Variants in NLRP12 observed in about 807,000 individuals in gnomAD.
NLRP12 encodes the protein NACHT, LRR and PYD domains-containing protein 12.
NLRP12 carries 108 observed loss-of-function variants against 91.2 expected under a neutral mutation model. That is an observed-to-expected ratio of 1.18 (90% CI 1.01 to 1.39). The LOEUF (loss-of-function observed/expected upper bound fraction) is 1.39. Ranked by LOEUF, NLRP12 falls within the 40% of genes most tolerant of loss-of-function variation. The pLI, the probability that NLRP12 is intolerant of heterozygous loss-of-function variation, is 0.00. For missense variants in NLRP12, 1,530 were observed against 1,352.7 expected (o/e 1.13, Z -2.06); for synonymous variants, 613 against 566.7 (o/e 1.08, Z -1.16).
rs200293099 is a variant in NLRP12 at position 53,824,079 on chromosome 19, C to T, written c.96G>A (p.Leu32=). 1.1e-5 allele frequency: 17 copies of T among 1,613,996 alleles called. No individual in the cohort carries two copies. The highest frequency in any genetic ancestry group is 1.3e-5 in the African/African-American group (1 of 74,896). The change falls in exon 1 of 10, where the codon CTG becomes CTA. Residue 32 remains leucine, a synonymous_variant. Coordinates refer to ENST00000324134, the MANE Select transcript of NLRP12 (RefSeq NM_144687.4). ...CTTCTCCCAGCTCTGTCGCGGTCCC[C>T]AGGTATAACTTGAACTTCTTCAGTT... ...AVELKKFKLY[L]GTATELGEGK...
Position 53,821,800 on chromosome 19 carries a change from G to A in NLRP12, c.289+2086C>T, listed in dbSNP as rs1344192398. On this transcript the variant is annotated intron_variant, in intron 1 of 9. Transcript: ENST00000324134. ...GGAGTAAATACTTTACTTTAGAGAA[G>A]GTAGTGGCTTCAAGGTTTCAGTAAG... Among the ~76,000 whole-genome samples, 4 of 152,150 alleles carry A rather than the reference G, an allele frequency of 2.6e-5. No individual in the cohort carries two copies. The East Asian group carries it at 5.8e-4, about 22-fold the overall frequency.
rs118002143 is a variant in NLRP12 at position 53,818,835 on chromosome 19, G to T, written c.290-3847C>A. ...GCTGATTCAGAATCACGGGTTGAGGGTCTTGGATTCCCCATTGGCCACAAG... is the reference window on the plus strand; with the variant it reads ...GCTGATTCAGAATCACGGGTTGAGGTTCTTGGATTCCCCATTGGCCACAAG... On this transcript the variant is annotated intron_variant, in intron 1 of 9. Transcript: ENST00000324134. 5.2e-3 allele frequency among the ~76,000 whole-genome samples: 793 copies of T among 152,240 alleles called. 3 individuals carry two copies. Among genetic ancestry groups the T allele is most frequent in the Non-Finnish European group, 7.4e-3 (505 of 68,006 alleles).
chr19:53,821,031 C>CTTTTTTTTTTTTTTTTTTTTTTTTTTTTT (rs1158419664), intron 1 of NLRP12, among the ~76,000 whole-genome samples: 1 of 81,284 alleles, frequency 1.2e-5, no homozygotes, highest in African/African-American at 5.8e-5. Flanking sequence ...CATATTTTTT[C>CTTTTTTTTTTTTTTTTTTTTTTTTTTTTT]TTTTTTTTTT....
intron 3 of NLRP12, among the ~76,000 whole-genome samples, chr19:53,809,224 T>TAAAAAA (rs3973673): frequency 2.5e-4 from 33 of 133,660 alleles, no homozygotes; most frequent in African/African-American, 8.9e-4. Flanking sequence ...AGACTTAGTT[T>TAAAAAA]AAAAAAAAAA....
chr19:53,793,862 T>A lies in NLRP12; in HGVS notation c.*187A>T. 1.5e-6 allele frequency: 1 copy of A among 677,894 alleles called. No homozygotes were observed. The highest frequency in any genetic ancestry group is 2.7e-6 in the Non-Finnish European group (1 of 371,404). The allele number at this position is 677,894 out of a possible 1,614,324, so 42.0% of individuals were successfully genotyped here. A position where few individuals can be genotyped will look rare whatever the true frequency, so the allele number is the denominator to read the frequency against. On this transcript the variant is annotated 3_prime_UTR_variant, in exon 10 of 10. Coordinates refer to ENST00000324134, the MANE Select transcript of NLRP12 (RefSeq NM_144687.4). ...GGCCTCTCGAAGTGCTAGGATTACATACATGAGCCACCACGCCTGGCCAGC... is the reference window on the plus strand; with the variant it reads ...GGCCTCTCGAAGTGCTAGGATTACAAACATGAGCCACCACGCCTGGCCAGC...
chr19:53,795,708 G>C, intron 9 of NLRP12, 151 bp downstream of exon 9: 1 of 757,096 alleles, frequency 1.3e-6, no homozygotes. Context: ...CACACAGCCA[G>C]TAGATGACAT....
At chr19:53,823,375 ATAAT>A (rs1295387036) in intron 1 of NLRP12, among the ~76,000 whole-genome samples, 2 of 124,520 alleles carry the variant, frequency 1.6e-5, no homozygotes, top group Admixed American at 9.4e-5. Context: ...ATTTAATAAT[ATAAT>A]TATATACATA....
chr19:53,807,417 G>GA, intron 4 of NLRP12, 78 bp downstream of exon 4: 1 of 1,426,154 alleles, frequency 7.0e-7, no homozygotes, highest in Non-Finnish European at 9.7e-7. Context: ...ACCATCCCGT[G>GA]ATAGAACCTT....
chr19:53,822,250 A>G (rs2092272363), intron 1 of NLRP12, among the ~76,000 whole-genome samples: 1 of 152,174 alleles, frequency 6.6e-6, no homozygotes, highest in African/African-American at 2.4e-5. Flanking sequence ...TGAAATTTTT[A>G]TATAGATATA....
chr19:53,795,635 A>G (rs934720129), intron 9 of NLRP12, among the ~76,000 whole-genome samples: 4 of 151,810 alleles, frequency 2.6e-5, no homozygotes, highest in Middle Eastern at 3.2e-3. Context: ...CGGCCTCCCA[A>G]AGTGCTGGGA....
At position 53,824,162 on chromosome 19, in the gene NLRP12, C is replaced by A; in HGVS notation, c.13G>T (p.Ala5Ser). The A allele has an allele frequency of 6.2e-7, 1 of 1,613,946 alleles. No individual in the cohort carries two copies. The highest frequency in any genetic ancestry group is 8.5e-7 in the Non-Finnish European group (1 of 1,179,998). The change falls in exon 1 of 10, where the codon GCA (alanine) becomes TCA (serine). Residue 5 changes from alanine to serine, a missense_variant. Coordinates refer to ENST00000324134, the MANE Select transcript of NLRP12 (RefSeq NM_144687.4). MLRT[A>S]GRDGLCRLST... The stretch of plus-strand genomic sequence containing the variant: ...AGGCGACAGAGGCCGTCCCTGCCTG[C>A]GGTTCGTAGCATGGGGGTGCCGTGA...
chr19:53,801,520 C>T (rs1275799063), intron 6 of NLRP12, 123 bp from the exon 7 acceptor site: 17 of 1,328,176 alleles, frequency 1.3e-5, no homozygotes, highest in South Asian at 8.2e-5. Flanking sequence ...GGTGCAATCT[C>T]GGCTCAGCTG....
intron 2 of NLRP12, among the ~76,000 whole-genome samples, chr19:53,814,385 C>G (rs1368279909): frequency 6.6e-6 from 1 of 151,706 alleles, no homozygotes. Context: ...TGGAGTCTCA[C>G]TCTGTTGCCC....
chr19:53,819,519 GTATATA>G (rs556145827), intron 1 of NLRP12, among the ~76,000 whole-genome samples: 1 of 82,654 alleles, frequency 1.2e-5, no homozygotes, highest in Non-Finnish European at 2.4e-5. Context: ...ATACATATGT[GTATATA>G]TGTGTGTATG....
intron 1 of NLRP12, among the ~76,000 whole-genome samples, chr19:53,823,658 C>T (rs2092302674): frequency 6.6e-6 from 1 of 151,292 alleles, no homozygotes; most frequent in African/African-American, 2.4e-5. Flanking sequence ...AAGTGATCCT[C>T]CCACCTCAGC....
At chr19:53,805,788 A>AG in intron 4 of NLRP12, 1 of 364,580 alleles carries the variant, frequency 2.7e-6, no homozygotes, top group Non-Finnish European at 5.3e-6. Flanking sequence ...AAAGTGCTGG[A>AG]ATTACAGGCG....
At position 53,794,004 on chromosome 19, in the gene NLRP12, C is replaced by CT; in HGVS notation, c.*44dup. The CT allele has an allele frequency of 7.3e-7, 1 of 1,360,822 alleles. No individual in the cohort carries two copies. The highest frequency in any genetic ancestry group is 1.1e-6 in the Non-Finnish European group (1 of 948,980). The allele number at this position is 1,360,822 out of a possible 1,614,324, so 84.3% of individuals were successfully genotyped here. A position where few individuals can be genotyped will look rare whatever the true frequency, so the allele number is the denominator to read the frequency against. On this transcript the variant is annotated 3_prime_UTR_variant, in exon 10 of 10. Transcript: ENST00000324134. ...GGGGGGGTGATGAGCACCCTCCCATCTTCCTCTGTCCAGATCTCAGGGGAG... is the reference window on the plus strand; with the variant it reads ...GGGGGGGTGATGAGCACCCTCCCATCTTTCCTCTGTCCAGATCTCAGGGGAG...
chr19:53,819,658 C>CATATGTATGTAT lies in NLRP12; in HGVS notation c.289+4227_289+4228insATACATACATAT, dbSNP rs1568696743. Among the ~76,000 whole-genome samples the CATATGTATGTAT allele has an allele frequency of 6.6e-5, 2 of 30,452 alleles. 1 individual carries two copies. Among genetic ancestry groups the CATATGTATGTAT allele is most frequent in the Non-Finnish European group, 1.6e-4 (2 of 12,866 alleles). The allele number at this position is 30,452 out of a possible 152,430, so 20.0% of individuals were successfully genotyped here. A position where few individuals can be genotyped will look rare whatever the true frequency, so the allele number is the denominator to read the frequency against. ...ATATGTATGTATACGTATATATATA[C>CATATGTATGTAT]ACATGTATACATATATGTATGTATA... On this transcript the variant is annotated intron_variant, in intron 1 of 9. Transcript: ENST00000324134.
At chr19:53,802,416 A>G (rs1377720437) in intron 6 of NLRP12, among the ~76,000 whole-genome samples, 12 of 151,238 alleles carry the variant, frequency 7.9e-5, no homozygotes, top group Admixed American at 7.9e-4. Flanking sequence ...ATTAAAAATA[A>G]ATAGAATGCG....
Sources: gnomAD v4.1 joint callset for allele counts (sites outside exome capture counted in the v4.1 genomes callset) on GRCh38, gnomAD v4.1.1 for gene constraint, MANE v1.5 for transcripts, NCBI Gene and HGNC (gene_info 2026-07-23, HGNC 2026-07-21) for gene names.